NOM1: variants seen among roughly 807,000 people sequenced by gnomAD.
NOM1 encodes the protein nucleolar protein with MIF4G domain 1, also known as nucleolar MIF4G domain-containing protein 1.
A neutral mutation model predicts 73.3 loss-of-function variants in NOM1; 58 were observed. That is an observed-to-expected ratio of 0.79 (90% CI 0.64 to 0.99). The LOEUF is 0.99. Among genes scored for constraint, NOM1 ranks in the 50% least tolerant of loss-of-function variants. NOM1 has a pLI of 0.00. For synonymous variants in NOM1, 487 were observed against 446.8 expected, an observed-to-expected ratio of 1.09 and a Z score of -1.14; for missense variants, 1,226 against 1,131.9, an observed-to-expected ratio of 1.08 and a Z score of -1.19.
Position 156,950,680 on chromosome 7 carries a change from G to A in NOM1, c.943G>A (p.Glu315Lys). The change falls in exon 1 of 11, where the codon GAA becomes AAA. Residue 315 changes from glutamate to lysine, a missense_variant. Transcript: ENST00000275820. ...GKRVRFAEDE[E>K]KSENSSEDGD... The stretch of plus-strand genomic sequence containing the variant: ...GAGAGTCCGTTTTGCAGAAGATGAA[G>A]AAAAGAGTGAAAATTCCTCGGAGGA... 6.4e-7 allele frequency: 1 copy of A among 1,551,880 alleles called. No homozygotes were observed. Among genetic ancestry groups the A allele is most frequent in the Non-Finnish European group, 8.7e-7 (1 of 1,147,054 alleles).
chr7:156,953,992 C>T (rs1804656668), intron 2 of NOM1, 111 bp from the exon 3 acceptor site: 2 of 838,202 alleles, frequency 2.4e-6, no homozygotes, highest in Admixed American at 3.0e-5. Flanking sequence ...CAAAAGTGTA[C>T]ATAAAAATAG....
chr7:156,952,234 C>G (rs1163772681), intron 1 of NOM1, among the ~76,000 whole-genome samples: 1 of 152,024 alleles, frequency 6.6e-6, no homozygotes, highest in Non-Finnish European at 1.5e-5. Flanking sequence ...CAGGGGAAAA[C>G]GAGATGGTGA....
At position 156,971,539 on chromosome 7, in the gene NOM1, A is replaced by G. The variant is rs565426690; in HGVS notation, c.*1836A>G. On this transcript the variant is annotated 3_prime_UTR_variant, in exon 11 of 11. Transcript: ENST00000275820. Reference sequence around the variant, plus strand: ...ATAGCTAGGACCACAAGCAGTAGAGACAAGATCTCCGTATGTTATACAGGC... The same window carrying G: ...ATAGCTAGGACCACAAGCAGTAGAGGCAAGATCTCCGTATGTTATACAGGC... 2.0e-5 allele frequency: 3 copies of G among 151,794 alleles called. No individual in the cohort carries two copies. The East Asian group carries it at 5.8e-4, about 29-fold the overall frequency. The allele number at this position is 151,794 out of a possible 1,614,324, so 9.4% of individuals were successfully genotyped here.
Position 156,950,740 on chromosome 7 carries a change from T to C in NOM1, c.987+16T>C, listed in dbSNP as rs1362485115. The C allele has an allele frequency of 3.3e-6, 5 of 1,536,848 alleles. No homozygotes were observed. In the Admixed American group the frequency reaches 1.0e-4, roughly 32 times the overall value. The stretch of plus-strand genomic sequence containing the variant: ...AACGGATAAGGTATCGTGTGAACAC[T>C]CTCTAGGCCCTCTGGGATTTCCTTC... On this transcript the variant is annotated intron_variant, in intron 1 of 10. Coordinates refer to ENST00000275820, the MANE Select transcript of NOM1 (RefSeq NM_138400.2).
chr7:156,962,996 T>C lies in NOM1; in HGVS notation c.1744-12T>C, dbSNP rs1347271778. ...ATTAAAAGCATTTCATTAGCTCTTCTCTCTTCATCAGGTCCGCAACGCCGG... is the reference window on the plus strand; with the variant it reads ...ATTAAAAGCATTTCATTAGCTCTTCCCTCTTCATCAGGTCCGCAACGCCGG... On this transcript the variant is annotated splice_polypyrimidine_tract_variant and intron_variant, in intron 5 of 10. Transcript: ENST00000275820. 2 of 1,606,500 alleles carry C rather than the reference T, an allele frequency of 1.2e-6. No individual in the cohort carries two copies. Among genetic ancestry groups the C allele is most frequent in the Non-Finnish European group, 1.7e-6 (2 of 1,173,978 alleles).
In NOM1 at chr7:156,960,082, A is replaced by T; in HGVS notation, c.1540A>T (p.Arg514Trp). 1 of 1,614,184 alleles carries T rather than the reference A, an allele frequency of 6.2e-7. No individual in the cohort carries two copies. Among genetic ancestry groups the T allele is most frequent in the Non-Finnish European group, 8.5e-7 (1 of 1,180,026 alleles). ...GCTGAAAAACGTGGGTTTTTCATTGAGGAAAGATGATGCTTTATCACTTAA... is the reference window on the plus strand; with the variant it reads ...GCTGAAAAACGTGGGTTTTTCATTGTGGAAAGATGATGCTTTATCACTTAA... The part of the protein sequence containing the change: ...LMLKNVGFSL[R>W]KDDALSLKEL... The change falls in exon 4 of 11, where the codon AGG becomes TGG. Residue 514 changes from arginine (R) to tryptophan (W), a missense_variant. Arg to Trp is a moderately radical substitution (Grantham distance 101, BLOSUM62 -3). Transcript: ENST00000275820.
At position 156,950,297 on chromosome 7, in the gene NOM1, G is replaced by A. The variant is rs1804552940; in HGVS notation, c.560G>A (p.Arg187Gln). 5.0e-6 allele frequency: 8 copies of A among 1,614,134 alleles called. No individual in the cohort carries two copies. The highest frequency in any genetic ancestry group is 6.8e-6 in the Non-Finnish European group (8 of 1,179,940). The change falls in exon 1 of 11, where the codon CGA (arginine) becomes CAA (glutamine). Residue 187 changes from arginine to glutamine, a missense_variant. Coordinates refer to ENST00000275820, the MANE Select transcript of NOM1 (RefSeq NM_138400.2). ...AACGAGGAGGAGGACCGAGAGATCC[G>A]AAAGCTGGAGCGTTGCCTCGGTTTG... ...AANEEEDREI[R>Q]KLERCLGLNK...
chr7:156,956,922 C>T (rs1349396703), intron 3 of NOM1, among the ~76,000 whole-genome samples: 1 of 152,150 alleles, frequency 6.6e-6, no homozygotes, highest in East Asian at 1.9e-4. Context: ...CACTGGTATG[C>T]TTCAGCTGAC....
At position 156,950,164 on chromosome 7, in the gene NOM1, A is replaced by T; in HGVS notation, c.427A>T (p.Lys143Ter). The part of the protein sequence containing the change: ...APSRDPSPPR[K>*]PRPSRVKAKA... Reference sequence around the variant, plus strand: ...TAGTCGGGACCCCTCGCCTCCCAGGAAGCCGCGGCCGTCCCGGGTCAAGGC... The same window carrying T: ...TAGTCGGGACCCCTCGCCTCCCAGGTAGCCGCGGCCGTCCCGGGTCAAGGC... The change falls in exon 1 of 11, where the codon AAG becomes TAG. Residue 143 changes from lysine to a stop codon, truncating the protein, a stop_gained. Transcript: ENST00000275820. LOFTEE classifies it high-confidence loss of function. 6.3e-7 allele frequency: 1 copy of T among 1,597,034 alleles called. No individual in the cohort carries two copies. The highest frequency in any genetic ancestry group is 1.3e-5 in the African/African-American group (1 of 74,634).
At chr7:156,968,788 C>A (rs1805070512) in intron 9 of NOM1, 1 of 234,974 alleles carries the variant, frequency 4.3e-6, no homozygotes, top group Non-Finnish European at 8.0e-6. Flanking sequence ...TGGTTCAGTT[C>A]TAGATACTGA....
In NOM1 at chr7:156,959,889, C is replaced by T. The variant is rs775218645; in HGVS notation, c.1347C>T (p.Phe449=). The T allele has an allele frequency of 6.8e-6, 11 of 1,614,014 alleles. No individual in the cohort carries two copies. In the Admixed American group the frequency reaches 1.0e-4, roughly 15 times the overall value. The change falls in exon 4 of 11, where the codon TTC becomes TTT. Residue 449 remains phenylalanine (F), a synonymous_variant. Transcript: ENST00000275820. ...TTCTGGAGGCAGTGGTGAGGAAGTT[C>T]GATGCCATCTATAAATACGGAAGCG... The part of the protein sequence containing the change: ...AHFLEAVVRK[F]DAIYKYGSEG...
chr7:156,962,802 G>A (rs1437270503), intron 5 of NOM1, among the ~76,000 whole-genome samples: 1 of 152,090 alleles, frequency 6.6e-6, no homozygotes. Context: ...AGCGTGTTTG[G>A]GGTGATGGAC....
Position 156,962,246 on chromosome 7 carries a change from A to C in NOM1, c.1728A>C (p.Lys576Asn). The change falls in exon 5 of 11, where the codon AAA becomes AAC. Residue 576 changes from lysine (K) to asparagine (N), a missense_variant. Lys to Asn is a moderately conservative substitution (Grantham distance 94). Coordinates refer to ENST00000275820, the MANE Select transcript of NOM1 (RefSeq NM_138400.2). The stretch of plus-strand genomic sequence containing the variant: ...CCGAGCCCGTGGAGAAGCTGAGGAA[A>C]CTGCAGAGAGCTTTGGTGAGTCAAG... ...YDPEPVEKLR[K>N]LQRALVRNAG... 1 of 1,613,926 alleles carries C rather than the reference A, an allele frequency of 6.2e-7. No individual in the cohort carries two copies. The highest frequency in any genetic ancestry group is 8.5e-7 in the Non-Finnish European group (1 of 1,179,776).
chr7:156,957,111 G>A (rs1312180673), intron 3 of NOM1, among the ~76,000 whole-genome samples: 3 of 152,092 alleles, frequency 2.0e-5, no homozygotes, highest in African/African-American at 4.8e-5. Flanking sequence ...GACTTGTTCC[G>A]AAGGGAAGTC....
Position 156,950,707 on chromosome 7 carries a change from G to C in NOM1, c.970G>C (p.Gly324Arg). The change falls in exon 1 of 11, where the codon GGT becomes CGT. Residue 324 changes from glycine to arginine, a missense_variant. Physicochemically the swap from Gly to Arg is moderately radical, Grantham distance 125. Transcript: ENST00000275820. ...AAAGAGTGAAAATTCCTCGGAGGAC[G>C]GTGACATAACGGATAAGGTATCGTG... is the stretch of plus-strand genomic sequence containing the variant. The part of the protein sequence containing the change: ...EEKSENSSED[G>R]DITDKSLCGS... The C allele has an allele frequency of 6.4e-7, 1 of 1,551,458 alleles. No homozygotes were observed. The highest frequency in any genetic ancestry group is 8.7e-7 in the Non-Finnish European group (1 of 1,146,914).
chr7:156,952,668 C>T, intron 2 of NOM1, 70 bp downstream of exon 2: 2 of 1,514,698 alleles, frequency 1.3e-6, no homozygotes, highest in Non-Finnish European at 9.0e-7. Context: ...TAGGAATTAT[C>T]CCAGCAATTC....
chr7:156,966,531 C>G, intron 8 of NOM1, 129 bp downstream of exon 8: 2 of 1,100,750 alleles, frequency 1.8e-6, no homozygotes, highest in Non-Finnish European at 2.6e-6. Context: ...ACCTGGTCCA[C>G]GCTGGCTGCC....
chr7:156,952,951 C>G (rs116583900), intron 2 of NOM1, among the ~76,000 whole-genome samples: 1,538 of 152,274 alleles, frequency 0.01, 24 homozygotes, highest in African/African-American at 0.035. Flanking sequence ...GTCTTCCATC[C>G]CCCTTACTCA....
In NOM1 at chr7:156,950,089, G is replaced by A. The variant is rs753732839; in HGVS notation, c.352G>A (p.Glu118Lys). 82 of 1,546,442 alleles carry A rather than the reference G, an allele frequency of 5.3e-5. No homozygotes were observed. The highest frequency in any genetic ancestry group is 5.4e-5 in the Non-Finnish European group (62 of 1,148,036). Residue 118 changes from glutamate to lysine, a missense_variant, in exon 1 of 11, where the codon GAA becomes AAA. Physicochemically the swap from Glu to Lys is moderately conservative, Grantham distance 56. Transcript: ENST00000275820. ...PGLGGRSGAE[E>K]ASGHRQDTEE... ...CCTGGGAGGCCGAAGCGGAGCCGAAGAAGCCAGCGGTCACCGGCAGGACAC... is the reference window on the plus strand; with the variant it reads ...CCTGGGAGGCCGAAGCGGAGCCGAAAAAGCCAGCGGTCACCGGCAGGACAC...
Sources: allele counts gnomAD v4.1 joint callset (sites outside exome capture counted in the v4.1 genomes callset), GRCh38; gene constraint gnomAD v4.1.1; transcripts MANE v1.5; gene names NCBI Gene and HGNC (gene_info 2026-07-23, HGNC 2026-07-21).